The following PPP6R1 variants were observed in gnomAD, a reference collection of about 807,000 sequenced individuals.
PPP6R1 encodes the protein serine/threonine-protein phosphatase 6 regulatory subunit 1.
Under a neutral mutation model 104.6 loss-of-function variants are expected in PPP6R1, and 39 were observed. The observed-to-expected ratio is 0.37, with a 90% CI of 0.29 to 0.49. PPP6R1 has a LOEUF of 0.49. Among genes scored for constraint, PPP6R1 ranks in the 20% least tolerant of loss-of-function variants. The probability of loss-of-function intolerance (pLI) is 0.98; values close to 1 mark genes in which losing one functional copy is unlikely to be tolerated. For synonymous variants in PPP6R1, 549 were observed against 479.0 expected (o/e 1.15, Z -1.91); for missense variants, 1,181 against 1,155.8 (o/e 1.02, Z -0.32).
rs1277347438 is a variant in PPP6R1, at chr19:55,245,309, G to A, written c.508C>T (p.Leu170Phe). ...AGCTGAGGCCGCTCCACACAGGTGA[G>A]CAGGCGCAGCAGGAGGTCCATGATG... Reference protein sequence around the residue: ...SAIMDLLLRLLTCVERPQLRQ... With the variant: ...SAIMDLLLRLFTCVERPQLRQ... Residue 170 changes from leucine to phenylalanine, a missense_variant, in exon 4 of 24, where the codon CTC (leucine) becomes TTC (phenylalanine). Physicochemically the swap from Leu to Phe is conservative, Grantham distance 22. This residue lies in a region of PPP6R1 where 1,042 missense variants were observed against 955.6 expected (regional missense o/e 1.09). Transcript: ENST00000412770. The surrounding 1 kb of genome is among the most constrained non-coding windows in gnomAD (Gnocchi z 6.4). 6 of 1,606,142 alleles carry A rather than the reference G, an allele frequency of 3.7e-6. No individual in the cohort carries two copies. The Admixed American group carries it at 8.5e-5, about 23-fold the overall frequency.
rs1471317005 is a variant in PPP6R1, at chr19:55,245,212, T to G, written c.553-27A>C. On this transcript the variant is annotated intron_variant, in intron 4 of 23. Coordinates refer to ENST00000412770, the MANE Select transcript of PPP6R1 (RefSeq NM_014931.4). This position sits in a 1 kb window ranked among gnomAD's most constrained non-coding sequence, Gnocchi z 6.4. ...TGAGGGTGAGAAGGCGAGGGATGCA[T>G]CGCTGTCCACCACGCCCAGCCCCCC... 2 of 1,609,414 alleles carry G rather than the reference T, an allele frequency of 1.2e-6. No individual in the cohort carries two copies. The highest frequency in any genetic ancestry group is 2.2e-5 in the East Asian group (1 of 44,740).
Position 55,239,641 on chromosome 19 carries a change from C to T in PPP6R1, c.1606G>A (p.Asp536Asn), listed in dbSNP as rs776149771. 19 of 1,612,138 alleles carry T rather than the reference C, an allele frequency of 1.2e-5. No homozygotes were observed. The South Asian group carries it at 1.3e-4, about 11-fold the overall frequency. ...HLHSSSDDED[D>N]RLKEFNFPEE... ...GGGAAGTTGAACTCCTTGAGCCGGT[C>T]GTCCTCATCGTCACTGGAGGAGTGT... Residue 536 changes from aspartate to asparagine, a missense_variant, in exon 14 of 24, where the codon GAC becomes AAC. Coordinates refer to ENST00000412770, the MANE Select transcript of PPP6R1 (RefSeq NM_014931.4).
intron 21 of PPP6R1, 40 bp from the exon 22 acceptor site, chr19:55,230,924 C>T: frequency 1.3e-6 from 2 of 1,489,826 alleles, no homozygotes; most frequent in Non-Finnish European, 1.8e-6. Context: ...GCGTGGCCCC[C>T]ACCGTCACCT....
intron 5 of PPP6R1, among the ~76,000 whole-genome samples, chr19:55,244,142 G>A (rs893175643): frequency 6.6e-6 from 1 of 152,202 alleles, no homozygotes; most frequent in African/African-American, 2.4e-5. Flanking sequence ...GGGCTTGGCA[G>A]TGTGGCCCTG....
intron 2 of PPP6R1, among the ~76,000 whole-genome samples, chr19:55,246,215 G>A (rs968230036): frequency 2.0e-5 from 3 of 152,148 alleles, no homozygotes; most frequent in African/African-American, 7.2e-5. Flanking sequence ...CATATCACTT[G>A]AGGTCAGAAG....
rs907589416 is a variant in PPP6R1, at chr19:55,230,302, G to A, written c.*226C>T. 1 of 602,576 alleles carries A rather than the reference G, an allele frequency of 1.7e-6. No homozygotes were observed. Among genetic ancestry groups the A allele is most frequent in the Non-Finnish European group, 2.9e-6 (1 of 339,100 alleles). 37.3% of individuals were successfully genotyped at this position (602,576 alleles called of 1,614,324 possible). A position where few individuals can be genotyped will look rare whatever the true frequency, so the allele number is the denominator to read the frequency against. On this transcript the variant is annotated 3_prime_UTR_variant, in exon 24 of 24. Transcript: ENST00000412770. ...CTCCATTCTCTCTATTTGACTCTCT[G>A]TATCTTTATTCTAGGAGGCAACGCT... is the stretch of plus-strand genomic sequence containing the variant.
Position 55,245,728 on chromosome 19 carries a change from A to AGGGGTGGGTGGCGGGGGGCT in PPP6R1, c.228-51_228-50insAGCCCCCCGCCACCCACCCC. On this transcript the variant is annotated intron_variant, in intron 2 of 23. Coordinates refer to ENST00000412770, the MANE Select transcript of PPP6R1 (RefSeq NM_014931.4). The surrounding 1 kb of genome is among the most constrained non-coding windows in gnomAD (Gnocchi z 6.4). ...GGGGCTCGGGTCGGAGGCCGGGGGC[A>AGGGGTGGGTGGCGGGGGGCT]GGGGGCGGCAAGGCTCCACCCTCTT... 1 of 677,434 alleles carries AGGGGTGGGTGGCGGGGGGCT rather than the reference A, an allele frequency of 1.5e-6. No individual in the cohort carries two copies. Among genetic ancestry groups the AGGGGTGGGTGGCGGGGGGCT allele is most frequent in the Non-Finnish European group, 2.5e-6 (1 of 407,718 alleles). 42.0% of individuals were successfully genotyped at this position (677,434 alleles called of 1,614,324 possible).
chr19:55,230,466 C>G lies in PPP6R1; in HGVS notation c.*62G>C. Reference sequence around the variant, plus strand: ...GGGGGCCATCGTGGGACCCGCCCTGCCCCCACCCCGGGAGATCCACGGGAG... The same window carrying G: ...GGGGGCCATCGTGGGACCCGCCCTGGCCCCACCCCGGGAGATCCACGGGAG... On this transcript the variant is annotated 3_prime_UTR_variant, in exon 24 of 24. Coordinates refer to ENST00000412770, the MANE Select transcript of PPP6R1 (RefSeq NM_014931.4). 5 of 1,608,026 alleles carry G rather than the reference C, an allele frequency of 3.1e-6. No homozygotes were observed. The highest frequency in any genetic ancestry group is 2.2e-5 in the East Asian group (1 of 44,804).
At position 55,241,022 on chromosome 19, in the gene PPP6R1, C is replaced by T. The variant is rs778779496; in HGVS notation, c.1219G>A (p.Val407Met). ...GGCCCCAAGCTCAGCATGGTGCTCA[C>T]GCATCCCTCTACTTGGGCATGCAAG... is the stretch of plus-strand genomic sequence containing the variant. ...NFLHAQVEGCVSTMLSLGPPP... is the reference protein window; with the variant it reads ...NFLHAQVEGCMSTMLSLGPPP... The change falls in exon 10 of 24, where the codon GTG (valine) becomes ATG (methionine). Residue 407 changes from valine (V) to methionine (M), a missense_variant. Around this residue, in one of 2 missense-constraint regions of PPP6R1, gnomAD observed 1,042 missense variants for 955.6 expected, o/e 1.09. Coordinates refer to ENST00000412770, the MANE Select transcript of PPP6R1 (RefSeq NM_014931.4). This position sits in a 1 kb window ranked among gnomAD's most constrained non-coding sequence, Gnocchi z 5.4. The T allele has an allele frequency of 4.5e-5, 71 of 1,577,452 alleles. No individual in the cohort carries two copies. Among genetic ancestry groups the T allele is most frequent in the South Asian group, 2.3e-4 (20 of 85,778 alleles).
rs1440822296 is a variant in PPP6R1, at chr19:55,257,553, T to TCTG, written c.-7+879_-7+881dup. Reference sequence around the variant, plus strand: ...ACTCCGACCTTCCTTCCTTGACATATCTGCACGTGCTGCTCCTTCCCCCCC... The same window carrying TCTG: ...ACTCCGACCTTCCTTCCTTGACATATCTGCTGCACGTGCTGCTCCTTCCCCCCC... On this transcript the variant is annotated intron_variant, in intron 1 of 23. Transcript: ENST00000412770. Among the ~76,000 whole-genome samples the TCTG allele has an allele frequency of 3.3e-5, 5 of 152,218 alleles. No homozygotes were observed. The East Asian group carries it at 9.7e-4, about 29-fold the overall frequency.
At chr19:55,243,172 T>TGGGA (rs1315760563) in intron 5 of PPP6R1, among the ~76,000 whole-genome samples, 1 of 151,952 alleles carries the variant, frequency 6.6e-6, no homozygotes, top group African/African-American at 2.4e-5. Context: ...CCCAGCACTT[T>TGGGA]GGGAGGCCGA....
intron 1 of PPP6R1, among the ~76,000 whole-genome samples, chr19:55,254,917 G>T (rs908289629): frequency 6.6e-6 from 1 of 152,342 alleles, no homozygotes; most frequent in Middle Eastern, 3.4e-3. Context: ...CACCACCTCT[G>T]GGCAGGACCT....
intron 1 of PPP6R1, chr19:55,247,471 A>T: frequency 3.8e-6 from 1 of 261,652 alleles, no homozygotes; most frequent in Non-Finnish European, 7.4e-6. Flanking sequence ...CTGCGAGAAG[A>T]GGCTGGACCC....
At chr19:55,236,891 CA>C (rs772695603) in intron 16 of PPP6R1, 21 bp downstream of exon 16, 2 of 1,612,820 alleles carry the variant, frequency 1.2e-6, no homozygotes, top group South Asian at 1.1e-5. Flanking sequence ...CCGCCACAAC[CA>C]GGGGACAGGG....
chr19:55,247,108 C>G lies in PPP6R1; in HGVS notation c.-5G>C. The G allele has an allele frequency of 6.2e-7, 1 of 1,611,898 alleles. No homozygotes were observed. The highest frequency in any genetic ancestry group is 8.5e-7 in the Non-Finnish European group (1 of 1,179,334). On this transcript the variant is annotated splice_region_variant and 5_prime_UTR_variant, in exon 2 of 24. Coordinates refer to ENST00000412770, the MANE Select transcript of PPP6R1 (RefSeq NM_014931.4). ...CAGGTCAAACTTCCAAAACATGGCG[C>G]CCTGCAGGCATAGACACAACCAGCG...
rs1442839267 is a variant in PPP6R1 at position 55,240,144 on chromosome 19, C to A, written c.1362-30G>T. 3.8e-6 allele frequency: 6 copies of A among 1,563,492 alleles called. No homozygotes were observed. In the East Asian group the frequency reaches 1.2e-4, roughly 31 times the overall value. On this transcript the variant is annotated intron_variant, in intron 11 of 23. Transcript: ENST00000412770. ...CAAGAGTGAAGGCCGCGGCTGCAAG[C>A]CAGGACTGGACCCAGGGATGCCCAG...
chr19:55,244,187 C>T (rs2087485394), intron 5 of PPP6R1, among the ~76,000 whole-genome samples: 2 of 152,200 alleles, frequency 1.3e-5, no homozygotes. Context: ...GGACAGGCCC[C>T]AGCCTGGGTG....
chr19:55,241,162 C>T lies in PPP6R1; in HGVS notation c.1161+77G>A. 8 of 1,492,070 alleles carry T rather than the reference C, an allele frequency of 5.4e-6. No homozygotes were observed. Among genetic ancestry groups the T allele is most frequent in the Non-Finnish European group, 7.1e-6 (8 of 1,120,344 alleles). 92.4% of individuals were successfully genotyped at this position (1,492,070 alleles called of 1,614,324 possible). On this transcript the variant is annotated intron_variant, in intron 9 of 23. Coordinates refer to ENST00000412770, the MANE Select transcript of PPP6R1 (RefSeq NM_014931.4). The surrounding 1 kb of genome is among the most constrained non-coding windows in gnomAD (Gnocchi z 5.4). ...CCCTGAGCCCCCAGCCGAGCCCCCA[C>T]CCCAGCCCCCGAACCCTCAGCCCAG...
In PPP6R1 at chr19:55,245,247, G is replaced by A; in HGVS notation, c.552+18C>T. ...CCACGCCCAGCCCCCCACCCCCAGA[G>A]GAGCCGGCCCTGCTCACATTGACAA... is the stretch of plus-strand genomic sequence containing the variant. On this transcript the variant is annotated intron_variant, in intron 4 of 23. Transcript: ENST00000412770. The surrounding 1 kb of genome is among the most constrained non-coding windows in gnomAD (Gnocchi z 6.4). 6.3e-7 allele frequency: 1 copy of A among 1,598,516 alleles called. No individual in the cohort carries two copies.
Sources: allele counts gnomAD v4.1 joint callset (sites outside exome capture counted in the v4.1 genomes callset), GRCh38; gene constraint gnomAD v4.1.1; regional missense constraint gnomAD v4.1.1; non-coding constraint Gnocchi (gnomAD v3.1); transcripts MANE v1.5; gene names NCBI Gene and HGNC (gene_info 2026-07-23, HGNC 2026-07-21).